The following NPAS3 variants were observed in gnomAD, a reference collection of about 807,000 sequenced individuals.
The protein encoded by NPAS3 is neuronal PAS domain-containing protein 3.
NPAS3 carries 14 observed loss-of-function variants against 73.1 expected under a neutral mutation model. The ratio of observed to expected loss-of-function variants is 0.19; its 90% confidence interval spans 0.13 to 0.30. NPAS3 has a LOEUF of 0.30. NPAS3 is among the 10% of genes least tolerant of loss of function. NPAS3 has a pLI of 1.00. For missense variants in NPAS3, 1,096 were observed against 1,250.0 expected (o/e 0.88, Z 1.86); for synonymous variants, 620 against 541.5 (o/e 1.14, Z -2.01).
chr14:33,619,562 T>C (rs1056493877), intron 5 of NPAS3, among the ~76,000 whole-genome samples: 2 of 152,228 alleles, frequency 1.3e-5, no homozygotes, highest in African/African-American at 4.8e-5. Flanking sequence ...AGGATGTATA[T>C]GAAAGTAAAT....
chr14:33,372,921 G>A (rs1009076691), intron 4 of NPAS3, among the ~76,000 whole-genome samples: 18 of 152,132 alleles, frequency 1.2e-4, no homozygotes, highest in African/African-American at 4.1e-4. Context: ...TGTGGTTGCT[G>A]CTTTCAACGT....
intron 4 of NPAS3, among the ~76,000 whole-genome samples, chr14:33,429,741 C>CT (rs1180976592): frequency 6.6e-6 from 1 of 152,082 alleles, no homozygotes; most frequent in Non-Finnish European, 1.5e-5. Context: ...AAAGAATGAG[C>CT]TTTAAGAAAC....
At chr14:33,303,421 T>A (rs1425419550) in intron 3 of NPAS3, among the ~76,000 whole-genome samples, 1 of 147,520 alleles carries the variant, frequency 6.8e-6, no homozygotes, top group Non-Finnish European at 1.5e-5. Context: ...AATTTCTAAC[T>A]CTTATTCACA....
intron 4 of NPAS3, among the ~76,000 whole-genome samples, chr14:33,463,890 G>A (rs2050385420): frequency 6.6e-6 from 1 of 152,166 alleles, no homozygotes; most frequent in Non-Finnish European, 1.5e-5. Flanking sequence ...CAGTTGCAGT[G>A]GGGATGGGAG....
chr14:33,018,492 CTCATT>C (rs1348151578), intron 1 of NPAS3, among the ~76,000 whole-genome samples: 2 of 152,160 alleles, frequency 1.3e-5, no homozygotes, highest in Non-Finnish European at 2.9e-5. Context: ...TAAATGAACT[CTCATT>C]TCTCTTCTAA....
intron 4 of NPAS3, among the ~76,000 whole-genome samples, chr14:33,543,964 T>TAG (rs2054641798): frequency 3.7e-5 from 1 of 26,944 alleles, no homozygotes; most frequent in Non-Finnish European, 6.0e-5. Flanking sequence ...TATATATATA[T>TAG]ATATATATAT....
chr14:33,545,240 A>T (rs917211997), intron 4 of NPAS3, among the ~76,000 whole-genome samples: 1 of 152,102 alleles, frequency 6.6e-6, no homozygotes, highest in African/African-American at 2.4e-5. Context: ...TATGTAACAC[A>T]TTTAGTTTAA....
chr14:33,396,778 G>A (rs2047241135), intron 4 of NPAS3, among the ~76,000 whole-genome samples: 1 of 152,060 alleles, frequency 6.6e-6, no homozygotes, highest in Admixed American at 6.6e-5. Flanking sequence ...ACACTTATGT[G>A]TATATGTGTT....
chr14:33,470,907 C>G (rs961530968), intron 4 of NPAS3, among the ~76,000 whole-genome samples: 1 of 147,908 alleles, frequency 6.8e-6, no homozygotes, highest in Admixed American at 6.8e-5. Flanking sequence ...AACTCACAAG[C>G]TGATGCGGGA....
chr14:33,546,725 C>A (rs2139672336), intron 4 of NPAS3, among the ~76,000 whole-genome samples: 1 of 152,310 alleles, frequency 6.6e-6, no homozygotes, highest in South Asian at 2.1e-4. Flanking sequence ...GAATGGATTT[C>A]TTTGCTCATT....
At chr14:33,329,754 A>T (rs2043894161) in intron 3 of NPAS3, among the ~76,000 whole-genome samples, 1 of 152,080 alleles carries the variant, frequency 6.6e-6, no homozygotes, top group Non-Finnish European at 1.5e-5. Flanking sequence ...ACAGAATCAT[A>T]ATAAACTTTT....
At chr14:33,589,785 A>G (rs2139935126) in intron 5 of NPAS3, among the ~76,000 whole-genome samples, 1 of 152,376 alleles carries the variant, frequency 6.6e-6, no homozygotes, top group Admixed American at 6.5e-5. Flanking sequence ...CCAGTTCCCA[A>G]AAGTGGGAAA....
chr14:33,744,746 C>A (rs765274156), intron 7 of NPAS3, among the ~76,000 whole-genome samples: 1 of 150,974 alleles, frequency 6.6e-6, no homozygotes, highest in Non-Finnish European at 1.5e-5. Flanking sequence ...GCTGAGATTG[C>A]GCCACTGCAC....
chr14:33,617,055 A>C (rs72682339), intron 5 of NPAS3, among the ~76,000 whole-genome samples: 1 of 152,318 alleles, frequency 6.6e-6, no homozygotes, highest in Non-Finnish European at 1.5e-5. Context: ...GAATCTGTCA[A>C]AAAATTTCAC....
intron 2 of NPAS3, among the ~76,000 whole-genome samples, chr14:33,060,982 T>A (rs1595357291): frequency 6.6e-6 from 1 of 152,234 alleles, no homozygotes; most frequent in East Asian, 1.9e-4. Context: ...AGCGTGGATT[T>A]GGATTCACAA....
At chr14:32,995,999 G>C (rs1462650921) in intron 1 of NPAS3, among the ~76,000 whole-genome samples, 1 of 152,170 alleles carries the variant, frequency 6.6e-6, no homozygotes, top group Non-Finnish European at 1.5e-5. Context: ...ACTTCCTAGA[G>C]ACTTGTTAAA....
intron 2 of NPAS3, among the ~76,000 whole-genome samples, chr14:33,125,330 G>A (rs68172108): frequency 0.096 from 14,641 of 152,108 alleles, 943 homozygotes; most frequent in Non-Finnish European, 0.14. Flanking sequence ...ATAGAAAAGA[G>A]TGAAATTTAT....
intron 1 of NPAS3, among the ~76,000 whole-genome samples, chr14:33,016,201 G>GTA: frequency 6.6e-6 from 1 of 152,186 alleles, no homozygotes; most frequent in East Asian, 1.9e-4. Flanking sequence ...TGAAGACTGT[G>GTA]TATAGCTAGA....
At chr14:33,133,387 C>T (rs1453723807) in intron 2 of NPAS3, among the ~76,000 whole-genome samples, 2 of 152,104 alleles carry the variant, frequency 1.3e-5, no homozygotes, top group African/African-American at 4.8e-5. Flanking sequence ...ATTAGCAAGG[C>T]TTTTCCCTTT....
Sources: allele counts gnomAD v4.1 joint callset (sites outside exome capture counted in the v4.1 genomes callset), GRCh38; gene constraint gnomAD v4.1.1; transcripts MANE v1.5; gene names NCBI Gene and HGNC (gene_info 2026-07-23, HGNC 2026-07-21).